Variants in FMNL2 observed in about 807,000 individuals in gnomAD.
FMNL2 encodes formin-like protein 2.
In FMNL2, 51 loss-of-function variants were observed where a neutral mutation model predicts 130.2. That is an observed-to-expected ratio of 0.39 (90% confidence interval 0.31 to 0.49). The LOEUF is 0.49. Among genes scored for constraint, FMNL2 ranks in the 20% least tolerant of loss-of-function variants. FMNL2 has a pLI of 0.85. For synonymous variants in FMNL2, 465 were observed against 467.1 expected, an observed-to-expected ratio of 1.00 and a Z score of 0.06; for missense variants, 977 against 1,316.2, an observed-to-expected ratio of 0.74 and a Z score of 3.99.
At chr2:152,440,312 G>T (rs1687987968) in intron 1 of FMNL2, among the ~76,000 whole-genome samples, 1 of 152,162 alleles carries the variant, frequency 6.6e-6, no homozygotes. Flanking sequence ...TTGCTTGCTT[G>T]TTGGGAAGAC....
At chr2:152,520,281 A>AG (rs11389713) in intron 1 of FMNL2, among the ~76,000 whole-genome samples, 35,299 of 151,888 alleles carry the variant, frequency 0.23, 4,397 homozygotes, top group Middle Eastern at 0.3. Context: ...GTCAGCTTTG[A>AG]GGGGGGGTGA....
chr2:152,574,450 A>AAG (rs1553479740), intron 6 of FMNL2, among the ~76,000 whole-genome samples: 23 of 148,258 alleles, frequency 1.6e-4, no homozygotes, highest in Non-Finnish European at 2.0e-4. Flanking sequence ...AAAAAAAAAA[A>AAG]AAAAGAAAAG....
intron 10 of FMNL2, among the ~76,000 whole-genome samples, chr2:152,608,365 AAAAAAAG>A (rs530350010): frequency 0.58 from 55,994 of 95,912 alleles, 15,143 homozygotes; most frequent in Non-Finnish European, 0.67. Context: ...TTTGTGAAAA[AAAAAAAG>A]AAAAAAAAAA....
chr2:152,545,350 G>A (rs901988590), intron 3 of FMNL2, among the ~76,000 whole-genome samples: 5 of 152,138 alleles, frequency 3.3e-5, no homozygotes, highest in Non-Finnish European at 7.3e-5. Context: ...ACTGTGTCTG[G>A]AGTCCTCGAA....
intron 9 of FMNL2, among the ~76,000 whole-genome samples, chr2:152,589,701 C>CT (rs1179101390): frequency 2.0e-5 from 3 of 151,984 alleles, no homozygotes; most frequent in Non-Finnish European, 4.4e-5. Flanking sequence ...ATCACCAACT[C>CT]TAAAAAGCAT....
intron 1 of FMNL2, among the ~76,000 whole-genome samples, chr2:152,397,575 G>C (rs1685467770): frequency 6.6e-6 from 1 of 152,158 alleles, no homozygotes; most frequent in Non-Finnish European, 1.5e-5. Flanking sequence ...GGAGTTTCCT[G>C]GCTAAGACAG....
chr2:152,337,800 ACAAAAACAATAC>A (rs1253224518), intron 1 of FMNL2, among the ~76,000 whole-genome samples: 1 of 152,170 alleles, frequency 6.6e-6, no homozygotes, highest in Non-Finnish European at 1.5e-5. Context: ...CAATCAAGAA[ACAAAAACAATAC>A]CAGGCTGACC....
intron 2 of FMNL2, among the ~76,000 whole-genome samples, chr2:152,541,780 C>T (rs781444914): frequency 1.3e-5 from 2 of 151,886 alleles, no homozygotes; most frequent in Non-Finnish European, 2.9e-5. Context: ...CTTGGCTCAG[C>T]ATCAGGTTTG....
chr2:152,564,911 A>G (rs1695745056), intron 6 of FMNL2, among the ~76,000 whole-genome samples: 1 of 150,974 alleles, frequency 6.6e-6, no homozygotes, highest in Non-Finnish European at 1.5e-5. Context: ...CTTGAGTCAT[A>G]TCAGCTATGG....
chr2:152,606,982 A>G (rs1698392388), intron 9 of FMNL2, among the ~76,000 whole-genome samples: 1 of 148,748 alleles, frequency 6.7e-6, no homozygotes. Flanking sequence ...TTACAAAAGG[A>G]AGCTATGGTC....
intron 1 of FMNL2, among the ~76,000 whole-genome samples, chr2:152,509,704 G>A (rs1692383775): frequency 7.1e-6 from 1 of 139,944 alleles, no homozygotes; most frequent in South Asian, 2.4e-4. Flanking sequence ...TCCAGGCCTG[G>A]AGTATAAGAG....
At chr2:152,631,880 G>C in intron 20 of FMNL2, 128 bp from the exon 21 acceptor site, 1 of 1,007,598 alleles carries the variant, frequency 9.9e-7, no homozygotes, top group Non-Finnish European at 1.4e-6. Context: ...CCCTCCTCTG[G>C]GAATGCTCCA....
chr2:152,460,561 G>A (rs948227923), intron 1 of FMNL2, among the ~76,000 whole-genome samples: 2 of 152,286 alleles, frequency 1.3e-5, no homozygotes, highest in South Asian at 2.1e-4. Context: ...ATAGAGCAGG[G>A]GTCCCCAACC....
intron 9 of FMNL2, among the ~76,000 whole-genome samples, chr2:152,586,915 G>A (rs866916322): frequency 1.3e-5 from 2 of 152,164 alleles, no homozygotes; most frequent in Admixed American, 1.3e-4. Flanking sequence ...GGCATGGCAG[G>A]GATTGTCTCT....
intron 1 of FMNL2, among the ~76,000 whole-genome samples, chr2:152,499,215 C>T (rs1022832614): frequency 1.3e-5 from 2 of 152,198 alleles, no homozygotes; most frequent in East Asian, 3.9e-4. Flanking sequence ...TTCGAACCTC[C>T]TTTTAAGCTC....
intron 1 of FMNL2, among the ~76,000 whole-genome samples, chr2:152,399,123 A>G (rs1188047180): frequency 6.6e-6 from 1 of 152,222 alleles, no homozygotes; most frequent in Non-Finnish European, 1.5e-5. Context: ...CTGCCCCTGG[A>G]CCCTGAGCTG....
At chr2:152,419,387 G>T (rs1250071108) in intron 1 of FMNL2, among the ~76,000 whole-genome samples, 2 of 152,126 alleles carry the variant, frequency 1.3e-5, no homozygotes, top group Non-Finnish European at 2.9e-5. Context: ...AAAAAAGGAA[G>T]AAATTCTGTC....
chr2:152,354,763 T>G (rs1682692899), intron 1 of FMNL2, among the ~76,000 whole-genome samples: 1 of 152,190 alleles, frequency 6.6e-6, no homozygotes, highest in Non-Finnish European at 1.5e-5. Context: ...ATCTACTTTT[T>G]TAAGTTGGTG....
At chr2:152,545,368 T>C (rs1334732839) in intron 3 of FMNL2, among the ~76,000 whole-genome samples, 4 of 152,182 alleles carry the variant, frequency 2.6e-5, no homozygotes, top group African/African-American at 9.7e-5. Context: ...GAATACTTGA[T>C]TCGTTAATCT....
Sources: allele counts gnomAD v4.1 joint callset (sites outside exome capture counted in the v4.1 genomes callset), GRCh38; gene constraint gnomAD v4.1.1; transcripts MANE v1.5; gene names NCBI Gene and HGNC (gene_info 2026-07-23, HGNC 2026-07-21).